The following SLC35H1 variants were observed in gnomAD, a reference collection of about 807,000 sequenced individuals.
The protein encoded by SLC35H1 is solute carrier family 35 member H1.
chr20:46,363,710 C>T, the SLC35H1 span, among the ~76,000 whole-genome samples: 2 of 152,200 alleles, frequency 1.3e-5, no homozygotes, highest in Admixed American at 1.3e-4. Flanking sequence ...CTCCCTGTTT[C>T]CTCTTTCGCC....
the SLC35H1 span, chr20:46,347,485 A>C: frequency 6.6e-6 from 1 of 152,246 alleles, no homozygotes; most frequent in Non-Finnish European, 1.5e-5. Context: ...TCTGTCCCCA[A>C]GTCCGGCAGT....
chr20:46,350,531 A>G, the SLC35H1 span: 1 of 1,582,430 alleles, frequency 6.3e-7, no homozygotes, highest in Non-Finnish European at 8.6e-7. Flanking sequence ...TCACCTTGGG[A>G]TAGAGAGAGA....
the SLC35H1 span, among the ~76,000 whole-genome samples, chr20:46,360,074 A>G: frequency 2.0e-5 from 3 of 152,226 alleles, no homozygotes; most frequent in Non-Finnish European, 4.4e-5. Context: ...AAGAAGGGGC[A>G]GTCCACATAG....
the SLC35H1 span, chr20:46,352,290 C>A: frequency 7.0e-7 from 1 of 1,420,948 alleles, no homozygotes; most frequent in Non-Finnish European, 9.8e-7. Context: ...AGCCCAATGC[C>A]AACCACACAA....
At chr20:46,362,835 C>T in the SLC35H1 span, among the ~76,000 whole-genome samples, 13 of 152,196 alleles carry the variant, frequency 8.5e-5, no homozygotes, top group Non-Finnish European at 1.5e-4. Flanking sequence ...GGCGTGATCT[C>T]GGCTCACCGC....
chr20:46,362,610 C>G, the SLC35H1 span, among the ~76,000 whole-genome samples: 1 of 152,168 alleles, frequency 6.6e-6, no homozygotes, highest in Non-Finnish European at 1.5e-5. Flanking sequence ...ATGGTAGAGG[C>G]TTACTCCCCT....
the SLC35H1 span, among the ~76,000 whole-genome samples, chr20:46,362,776 T>TTTG: frequency 1.6e-4 from 24 of 152,128 alleles, no homozygotes; most frequent in South Asian, 2.1e-4. Flanking sequence ...CTCTATTCTT[T>TTTG]TTGTTGTTGT....
chr20:46,359,400 AC>A, the SLC35H1 span, among the ~76,000 whole-genome samples: 1 of 152,178 alleles, frequency 6.6e-6, no homozygotes, highest in Non-Finnish European at 1.5e-5. Context: ...AAAGATAGGG[AC>A]CAGTAAGACC....
chr20:46,354,920 A>C, the SLC35H1 span: 1 of 1,613,390 alleles, frequency 6.2e-7, no homozygotes, highest in Non-Finnish European at 8.5e-7. Flanking sequence ...CCCCAGGAAC[A>C]TGAGTGGCTG....
chr20:46,354,725 T>C, the SLC35H1 span, among the ~76,000 whole-genome samples: 1 of 152,202 alleles, frequency 6.6e-6, no homozygotes, highest in African/African-American at 2.4e-5. Flanking sequence ...GCTTTCTCTG[T>C]AGCGTTTATC....
chr20:46,353,651 A>G, the SLC35H1 span, among the ~76,000 whole-genome samples: 3 of 152,342 alleles, frequency 2.0e-5, no homozygotes, highest in South Asian at 2.1e-4. Flanking sequence ...GAAGAGCAGC[A>G]TAAGTAATGA....
chr20:46,356,097 T>C, the SLC35H1 span, among the ~76,000 whole-genome samples: 1 of 152,178 alleles, frequency 6.6e-6, no homozygotes, highest in Non-Finnish European at 1.5e-5. Flanking sequence ...CCCTGAGTCC[T>C]GTTCTTTACC....
At chr20:46,358,904 G>A in the SLC35H1 span, 13 of 653,302 alleles carry the variant, frequency 2.0e-5, no homozygotes, top group Non-Finnish European at 3.3e-5. Flanking sequence ...GACCCACGTC[G>A]TGTCTGCTGT....
At chr20:46,358,159 C>T in the SLC35H1 span, among the ~76,000 whole-genome samples, 1 of 152,154 alleles carries the variant, frequency 6.6e-6, no homozygotes, top group Admixed American at 6.5e-5. Flanking sequence ...CCCAGTTTCC[C>T]CAGCTCATCC....
chr20:46,348,229 A>G, the SLC35H1 span: 13 of 152,302 alleles, frequency 8.5e-5, no homozygotes, highest in African/African-American at 3.1e-4. Flanking sequence ...CTGCTAAATG[A>G]AGGGCTGTCA....
chr20:46,363,158 T>C, the SLC35H1 span: 2 of 152,272 alleles, frequency 1.3e-5, no homozygotes, highest in African/African-American at 4.8e-5. Context: ...ATTCTCCTGG[T>C]TTTTCTTCTG....
chr20:46,351,968 G>A, the SLC35H1 span: 1 of 1,434,190 alleles, frequency 7.0e-7, no homozygotes. Context: ...CTGGGGTGCA[G>A]GAGCTGGGAC....
the SLC35H1 span, chr20:46,352,168 C>T: frequency 3.7e-6 from 6 of 1,614,078 alleles, no homozygotes; most frequent in Admixed American, 8.3e-5. Flanking sequence ...CAAGTACCCG[C>T]AGGAGCAGCC....
the SLC35H1 span, chr20:46,358,944 T>C: frequency 2.4e-5 from 15 of 612,886 alleles, no homozygotes; most frequent in Middle Eastern, 8.7e-4. Flanking sequence ...CTCCATGAAC[T>C]GCCACCAAAG....
Sources: allele counts gnomAD v4.1 joint callset (sites outside exome capture counted in the v4.1 genomes callset), GRCh38; gene constraint gnomAD v4.1.1; transcripts MANE v1.5; gene names NCBI Gene and HGNC (gene_info 2026-07-23, HGNC 2026-07-21).